Variants in ADGRA3 observed in about 807,000 individuals in gnomAD.
The protein encoded by ADGRA3 is adhesion G protein-coupled receptor A3, also known as G-protein coupled receptor 125.
A neutral mutation model predicts 119.8 loss-of-function variants in ADGRA3; 56 were observed. The ratio of observed to expected loss-of-function variants is 0.47; its 90% CI spans 0.38 to 0.58. The LOEUF (loss-of-function observed/expected upper bound fraction) is 0.58, where lower values mean the gene tolerates loss of function less well. ADGRA3 is among the 20% of genes least tolerant of loss of function. ADGRA3 has a pLI of 0.00. For missense variants in ADGRA3, 1,516 were observed against 1,649.0 expected (o/e 0.92, Z 1.40); for synonymous variants, 607 against 623.8 (o/e 0.97, Z 0.40).
chr4:22,502,095 G>A (rs1719066525), intron 1 of ADGRA3, among the ~76,000 whole-genome samples: 1 of 152,160 alleles, frequency 6.6e-6, no homozygotes, highest in South Asian at 2.1e-4. Flanking sequence ...CCCCTAGGAG[G>A]TACTACCCTT....
chr4:22,422,676 G>C (rs946557624), intron 11 of ADGRA3, among the ~76,000 whole-genome samples: 1 of 152,178 alleles, frequency 6.6e-6, no homozygotes, highest in Non-Finnish European at 1.5e-5. Context: ...TACACATAGA[G>C]ATGGTATGCA....
chr4:22,447,777 G>T (rs1181900384), intron 4 of ADGRA3, among the ~76,000 whole-genome samples: 1 of 152,064 alleles, frequency 6.6e-6, no homozygotes, highest in Non-Finnish European at 1.5e-5. Context: ...AATATCAGGT[G>T]AACCTAAAAG....
chr4:22,451,581 T>C (rs1284056034), intron 4 of ADGRA3, among the ~76,000 whole-genome samples: 1 of 151,592 alleles, frequency 6.6e-6, no homozygotes, highest in Non-Finnish European at 1.5e-5. Flanking sequence ...CTAAGGCCTC[T>C]GACACACTTA....
intron 14 of ADGRA3, among the ~76,000 whole-genome samples, chr4:22,408,693 G>A (rs1715056383): frequency 6.6e-6 from 1 of 152,112 alleles, no homozygotes; most frequent in African/African-American, 2.4e-5. Context: ...TGTTGAGACT[G>A]TAAACCAACA....
chr4:22,477,756 T>C (rs1044309475), intron 1 of ADGRA3: 1 of 152,220 alleles, frequency 6.6e-6, no homozygotes, highest in South Asian at 2.1e-4. Context: ...GTTATAACTG[T>C]AACCTTAAAA....
intron 1 of ADGRA3, among the ~76,000 whole-genome samples, chr4:22,504,415 G>A (rs1264791349): frequency 3.9e-5 from 6 of 152,226 alleles, no homozygotes; most frequent in South Asian, 2.1e-4. Context: ...AAAATCTCGC[G>A]TCTCTCCAAG....
chr4:22,445,409 A>G (rs866655875), intron 5 of ADGRA3, among the ~76,000 whole-genome samples: 3 of 152,154 alleles, frequency 2.0e-5, no homozygotes, highest in Non-Finnish European at 2.9e-5. Context: ...TCTATGCAAC[A>G]AGCCACTGAA....
intron 14 of ADGRA3, 88 bp from the exon 15 acceptor site, chr4:22,402,887 T>C: frequency 7.7e-7 from 1 of 1,297,016 alleles, no homozygotes; most frequent in Non-Finnish European, 1.1e-6. Flanking sequence ...AACACATCAA[T>C]AAACAAAAAC....
intron 12 of ADGRA3, among the ~76,000 whole-genome samples, chr4:22,418,475 G>A (rs1715516720): frequency 6.6e-6 from 1 of 152,164 alleles, no homozygotes; most frequent in South Asian, 2.1e-4. Flanking sequence ...AGGGAGGGGA[G>A]GAGTAGGGAT....
chr4:22,440,022 T>C (rs1463000433), intron 7 of ADGRA3, among the ~76,000 whole-genome samples: 1 of 152,186 alleles, frequency 6.6e-6, no homozygotes, highest in Non-Finnish European at 1.5e-5. Flanking sequence ...CTTAATGAGA[T>C]ATGTGTGCCT....
At chr4:22,438,476 CAAT>C (rs1386832899) in intron 7 of ADGRA3, 56 bp from the exon 8 acceptor site, 21 of 1,366,034 alleles carry the variant, frequency 1.5e-5, no homozygotes, top group Non-Finnish European at 2.0e-5. Flanking sequence ...AAAAAGGAGA[CAAT>C]AATGGGTCTC....
chr4:22,475,992 C>T (rs1173778912), intron 1 of ADGRA3, among the ~76,000 whole-genome samples: 1 of 152,112 alleles, frequency 6.6e-6, no homozygotes, highest in Non-Finnish European at 1.5e-5. Flanking sequence ...AAGTATATTA[C>T]TGGATTGTAT....
At chr4:22,468,035 T>C (rs1170945242) in intron 2 of ADGRA3, among the ~76,000 whole-genome samples, 3 of 152,152 alleles carry the variant, frequency 2.0e-5, no homozygotes, top group Non-Finnish European at 2.9e-5. Context: ...TATCTGGCAT[T>C]ACAGGAAATC....
chr4:22,513,669 G>A (rs1243012314), intron 1 of ADGRA3, among the ~76,000 whole-genome samples: 7 of 150,338 alleles, frequency 4.7e-5, no homozygotes, highest in Admixed American at 1.3e-4. Flanking sequence ...ACGCCACTAC[G>A]CCTGGCTAAT....
intron 3 of ADGRA3, among the ~76,000 whole-genome samples, chr4:22,458,170 G>A (rs1717306812): frequency 6.6e-6 from 1 of 152,178 alleles, no homozygotes; most frequent in Non-Finnish European, 1.5e-5. Flanking sequence ...TGATAGGGTA[G>A]ATCTTAGCCC....
intron 16 of ADGRA3, among the ~76,000 whole-genome samples, chr4:22,401,184 T>C (rs962938528): frequency 5.9e-5 from 9 of 152,208 alleles, no homozygotes; most frequent in Admixed American, 2.0e-4. Flanking sequence ...ATTGTAATAA[T>C]AGCCATAACG....
chr4:22,404,310 A>C (rs1714798945), intron 14 of ADGRA3, among the ~76,000 whole-genome samples: 1 of 152,212 alleles, frequency 6.6e-6, no homozygotes, highest in Non-Finnish European at 1.5e-5. Flanking sequence ...TGACCTCAAT[A>C]GAGTAGGAAG....
intron 4 of ADGRA3, among the ~76,000 whole-genome samples, chr4:22,451,277 C>A (rs940351618): frequency 2.0e-5 from 3 of 151,960 alleles, no homozygotes; most frequent in Admixed American, 6.6e-5. Flanking sequence ...TCATAAAGAA[C>A]AATTTGAAAA....
At chr4:22,392,971 C>T in intron 16 of ADGRA3, 1 of 268,290 alleles carries the variant, frequency 3.7e-6, no homozygotes, top group East Asian at 7.0e-5. Flanking sequence ...GGCTCCCAGA[C>T]ATTAAACCAA....
Sources: allele counts gnomAD v4.1 joint callset (sites outside exome capture counted in the v4.1 genomes callset), GRCh38; gene constraint gnomAD v4.1.1; transcripts MANE v1.5; gene names NCBI Gene and HGNC (gene_info 2026-07-23, HGNC 2026-07-21).